MLLT1: variants seen among roughly 807,000 people sequenced by gnomAD.
The protein encoded by MLLT1 is protein ENL.
In MLLT1, 11 loss-of-function variants were observed where a neutral mutation model predicts 55.1. The observed-to-expected ratio is 0.20, with a 90% confidence interval of 0.13 to 0.33. MLLT1 has a LOEUF of 0.33. Ranked by LOEUF, MLLT1 falls within the 10% of genes least tolerant of loss-of-function variation. The probability of loss-of-function intolerance (pLI) is 1.00; values close to 1 mark genes in which losing one functional copy is unlikely to be tolerated. For missense variants in MLLT1, 536 were observed against 760.6 expected (o/e 0.70, Z 3.47); for synonymous variants, 323 against 320.1 (o/e 1.01, Z -0.10).
chr19:6,256,855 A>G lies in MLLT1; in HGVS notation c.276+5373T>C, dbSNP rs1229154508. ...CAGACACGTAGACCAATGAAATAGA[A>G]TTCAGAGTCCAGTTTTAAACCCCAA... On this transcript the variant is annotated intron_variant, in intron 3 of 11. Transcript: ENST00000252674. The surrounding 1 kb of genome is among the most constrained non-coding windows in gnomAD (Gnocchi z 4.1). Among the ~76,000 whole-genome samples the G allele has an allele frequency of 1.3e-5, 2 of 152,254 alleles. No individual in the cohort carries two copies. The highest frequency in any genetic ancestry group is 1.9e-4 in the East Asian group (1 of 5,206).
At chr19:6,215,656 C>T (rs1365609067) in intron 8 of MLLT1, among the ~76,000 whole-genome samples, 1 of 152,172 alleles carries the variant, frequency 6.6e-6, no homozygotes, top group Non-Finnish European at 1.5e-5. Flanking sequence ...TTGCTGGGTG[C>T]AGGGTGATAA....
At chr19:6,250,956 A>T (rs2091207880) in intron 3 of MLLT1, among the ~76,000 whole-genome samples, 2 of 152,236 alleles carry the variant, frequency 1.3e-5, no homozygotes, top group Admixed American at 1.3e-4. Flanking sequence ...GGATGAACTC[A>T]CAAATACGGC....
rs1016020503 is a variant in MLLT1 at position 6,273,514 on chromosome 19, T to C, written c.13-2755A>G. Among the ~76,000 whole-genome samples, 2 of 152,140 alleles carry C rather than the reference T, an allele frequency of 1.3e-5. No individual in the cohort carries two copies. The highest frequency in any genetic ancestry group is 4.8e-5 in the African/African-American group (2 of 41,416). On this transcript the variant is annotated intron_variant, in intron 1 of 11. Transcript: ENST00000252674. The surrounding 1 kb of genome is among the most constrained non-coding windows in gnomAD (Gnocchi z 4.3). Reference sequence around the variant, plus strand: ...TGAGGGCTGAGCACCGGCATGGCAATACTCAGGCCAAGCACGAGTGTCTGC... The same window carrying C: ...TGAGGGCTGAGCACCGGCATGGCAACACTCAGGCCAAGCACGAGTGTCTGC...
chr19:6,264,892 TAA>T (rs34494210), intron 2 of MLLT1, among the ~76,000 whole-genome samples: 1,792 of 73,518 alleles, frequency 0.024, 29 homozygotes, highest in African/African-American at 0.094. Flanking sequence ...GAAACTCTGT[TAA>T]AAAAAAAAAA....
intron 7 of MLLT1, among the ~76,000 whole-genome samples, chr19:6,217,357 G>A (rs1292769956): frequency 6.6e-6 from 1 of 152,222 alleles, no homozygotes; most frequent in Non-Finnish European, 1.5e-5. Flanking sequence ...GGGTGCTGGG[G>A]TCTGGACTGG....
rs1170346664 is a variant in MLLT1 at position 6,273,336 on chromosome 19, C to A, written c.13-2577G>T. ...ACAGGACCCGAGGGTGGAGGACATT[C>A]AGGTAACCCCAAGATCCGGGCAGCA... On this transcript the variant is annotated intron_variant, in intron 1 of 11. Coordinates refer to ENST00000252674, the MANE Select transcript of MLLT1 (RefSeq NM_005934.4). The surrounding 1 kb of genome is among the most constrained non-coding windows in gnomAD (Gnocchi z 4.3). Among the ~76,000 whole-genome samples the A allele has an allele frequency of 1.3e-5, 2 of 152,166 alleles. No homozygotes were observed. Among genetic ancestry groups the A allele is most frequent in the Non-Finnish European group, 2.9e-5 (2 of 68,032 alleles).
intron 3 of MLLT1, among the ~76,000 whole-genome samples, chr19:6,260,974 G>C (rs995993672): frequency 5.3e-5 from 8 of 152,256 alleles, no homozygotes; most frequent in African/African-American, 1.7e-4. Context: ...CCACCCGCTA[G>C]AATACCAGTG....
rs921672406 is a variant in MLLT1, at chr19:6,256,069, T to C, written c.276+6159A>G. Among the ~76,000 whole-genome samples the C allele has an allele frequency of 6.6e-6, 1 of 151,790 alleles. No individual in the cohort carries two copies. Among genetic ancestry groups the C allele is most frequent in the African/African-American group, 2.4e-5 (1 of 41,260 alleles). On this transcript the variant is annotated intron_variant, in intron 3 of 11. Transcript: ENST00000252674. The surrounding 1 kb of genome is among the most constrained non-coding windows in gnomAD (Gnocchi z 4.1). The stretch of plus-strand genomic sequence containing the variant: ...CATCTCTACTAAAAATGCAAAAAAT[T>C]AGCCAGACACGGTGGCAGGCACCTG...
chr19:6,244,473 T>G (rs1254616934), intron 3 of MLLT1, among the ~76,000 whole-genome samples: 1 of 151,392 alleles, frequency 6.6e-6, no homozygotes, highest in Non-Finnish European at 1.5e-5. Flanking sequence ...GTGGGCTTGG[T>G]GCATGCCGCC....
At chr19:6,216,580 C>T (rs1277043149) in intron 7 of MLLT1, 67 bp from the exon 8 acceptor site, 29 of 1,183,416 alleles carry the variant, frequency 2.5e-5, no homozygotes, top group South Asian at 5.4e-5. Context: ...CAGGGCCCCT[C>T]GCCCATGAGG....
chr19:6,255,890 C>T (rs1323144120), intron 3 of MLLT1, among the ~76,000 whole-genome samples: 1 of 152,164 alleles, frequency 6.6e-6, no homozygotes, highest in African/African-American at 2.4e-5. Context: ...ATTTTCGGGG[C>T]CCAAGGCGAA....
At chr19:6,254,849 T>C (rs1323663140) in intron 3 of MLLT1, among the ~76,000 whole-genome samples, 1 of 151,918 alleles carries the variant, frequency 6.6e-6, no homozygotes, top group East Asian at 1.9e-4. Context: ...CTGCATGTTC[T>C]AGCCAGGGCA....
chr19:6,230,012 C>T lies in MLLT1; in HGVS notation c.420+558G>A, dbSNP rs1258791376. On this transcript the variant is annotated intron_variant, in intron 4 of 11. Coordinates refer to ENST00000252674, the MANE Select transcript of MLLT1 (RefSeq NM_005934.4). This position sits in a 1 kb window ranked among gnomAD's most constrained non-coding sequence, Gnocchi z 9.0. ...CTGCACGTCCCTCCCTCCACGCCCC[C>T]CTCCTCCATAACCACCACCAGCCCT... Among the ~76,000 whole-genome samples, 8 of 152,130 alleles carry T rather than the reference C, an allele frequency of 5.3e-5. No individual in the cohort carries two copies. Among genetic ancestry groups the T allele is most frequent in the African/African-American group, 1.4e-4 (6 of 41,408 alleles).
chr19:6,215,811 C>G (rs902255572), intron 8 of MLLT1, among the ~76,000 whole-genome samples: 1 of 152,188 alleles, frequency 6.6e-6, no homozygotes, highest in Non-Finnish European at 1.5e-5. Context: ...AAGGCCAGCA[C>G]GTTCTCCACT....
chr19:6,269,879 C>T (rs1437289676), intron 2 of MLLT1, among the ~76,000 whole-genome samples: 5 of 152,324 alleles, frequency 3.3e-5, no homozygotes, highest in Admixed American at 6.5e-5. Flanking sequence ...TTCACACTGG[C>T]GACTCAGCGG....
At chr19:6,277,437 T>C (rs943151228) in intron 1 of MLLT1, among the ~76,000 whole-genome samples, 3 of 152,320 alleles carry the variant, frequency 2.0e-5, no homozygotes, top group African/African-American at 7.2e-5. Flanking sequence ...TAATGGTGGT[T>C]ACTGAGTGCT....
chr19:6,253,190 G>A (rs373675229), intron 3 of MLLT1, among the ~76,000 whole-genome samples: 6 of 148,466 alleles, frequency 4.0e-5, no homozygotes, highest in Non-Finnish European at 5.9e-5. Flanking sequence ...GCATGAACCC[G>A]GGAGGCAGAG....
chr19:6,238,576 G>T (rs1174072836), intron 3 of MLLT1, among the ~76,000 whole-genome samples: 2 of 152,242 alleles, frequency 1.3e-5, no homozygotes, highest in African/African-American at 2.4e-5. Flanking sequence ...GAATTAAATA[G>T]ATAAGCTTGG....
chr19:6,265,379 GT>G (rs1456037787), intron 2 of MLLT1, among the ~76,000 whole-genome samples: 1 of 152,132 alleles, frequency 6.6e-6, no homozygotes, highest in East Asian at 1.9e-4. Context: ...CACTCAAAAA[GT>G]TTTGGATCGG....
Sources: gnomAD v4.1 joint callset for allele counts (sites outside exome capture counted in the v4.1 genomes callset) on GRCh38, gnomAD v4.1.1 for gene constraint, Gnocchi (gnomAD v3.1) non-coding constraint, MANE v1.5 for transcripts, NCBI Gene and HGNC (gene_info 2026-07-23, HGNC 2026-07-21) for gene names.